The following AGAP1 variants were observed in gnomAD, a reference collection of about 807,000 sequenced individuals.
The protein encoded by AGAP1 is arf-GAP with GTPase, ANK repeat and PH domain-containing protein 1.
Under a neutral mutation model 105.3 loss-of-function variants are expected in AGAP1, and 29 were observed. That is an observed-to-expected ratio of 0.28 (90% CI 0.21 to 0.38). The LOEUF is 0.38. Ranked by LOEUF, AGAP1 falls within the 10% of genes least tolerant of loss-of-function variation. The probability of loss-of-function intolerance (pLI) is 1.00; values close to 1 mark genes in which losing one functional copy is unlikely to be tolerated. For synonymous variants in AGAP1, 509 were observed against 485.9 expected, an observed-to-expected ratio of 1.05 and a Z score of -0.63; for missense variants, 998 against 1,165.1, an observed-to-expected ratio of 0.86 and a Z score of 2.09.
At position 236,038,990 on chromosome 2, in the gene AGAP1, T is replaced by C. The variant is rs1019247608; in HGVS notation, c.1801-1761T>C. 1.3e-5 allele frequency among the ~76,000 whole-genome samples: 2 copies of C among 152,234 alleles called. No individual in the cohort carries two copies. Among genetic ancestry groups the C allele is most frequent in the African/African-American group, 2.4e-5 (1 of 41,452 alleles). On this transcript the variant is annotated intron_variant, in intron 14 of 17. Coordinates refer to ENST00000304032, the MANE Select transcript of AGAP1 (RefSeq NM_001037131.3). The surrounding 1 kb of genome is among the most constrained non-coding windows in gnomAD (Gnocchi z 4.5). ...GTGATTAATACATTATAATTTATTA[T>C]GTAGCAAGTAATATATTATTTCACA... is the stretch of plus-strand genomic sequence containing the variant.
At chr2:235,878,625 CAG>C (rs1310632241) in intron 9 of AGAP1, among the ~76,000 whole-genome samples, 1 of 152,190 alleles carries the variant, frequency 6.6e-6, no homozygotes, top group Non-Finnish European at 1.5e-5. Flanking sequence ...ATTTAGCAAA[CAG>C]AAACCGCTTC....
In AGAP1 at chr2:236,061,163, A is replaced by T. The variant is rs57504174; in HGVS notation, c.2114+11882A>T. Among the ~76,000 whole-genome samples the T allele has an allele frequency of 2.7e-3, 408 of 152,322 alleles. 6 individuals carry two copies. Among genetic ancestry groups the T allele is most frequent in the African/African-American group, 9.2e-3 (381 of 41,558 alleles). On this transcript the variant is annotated intron_variant, in intron 16 of 17. Coordinates refer to ENST00000304032, the MANE Select transcript of AGAP1 (RefSeq NM_001037131.3). The surrounding 1 kb of genome is among the most constrained non-coding windows in gnomAD (Gnocchi z 4.1). ...CAGTAAATACATGAAAAGATGCCTA[A>T]TGTCATTACTTTTTAGGGAAATGCA... is the stretch of plus-strand genomic sequence containing the variant.
Position 235,550,185 on chromosome 2 carries a change from T to C in AGAP1, c.163+55336T>C, listed in dbSNP as rs13423085. Among the ~76,000 whole-genome samples, 37,366 of 152,102 alleles carry C rather than the reference T, an allele frequency of 0.25. 5,139 individuals carry two copies. Among genetic ancestry groups the C allele is most frequent in the East Asian group, 0.45 (2,301 of 5,158 alleles). On this transcript the variant is annotated intron_variant, in intron 1 of 17. Coordinates refer to ENST00000304032, the MANE Select transcript of AGAP1 (RefSeq NM_001037131.3). This position sits in a 1 kb window ranked among gnomAD's most constrained non-coding sequence, Gnocchi z 4.6. ...ACACTCCCAGCACCCGTGGCAGTCT[T>C]AGCAGGTGGATTATCACCGAGCACA...
At chr2:235,567,206 G>A (rs1055936147) in intron 1 of AGAP1, among the ~76,000 whole-genome samples, 2 of 152,368 alleles carry the variant, frequency 1.3e-5, no homozygotes, top group Non-Finnish European at 2.9e-5. Flanking sequence ...CCTAGAGCTT[G>A]GATGTGCGGG....
intron 1 of AGAP1, among the ~76,000 whole-genome samples, chr2:235,545,494 A>G (rs1273711392): frequency 6.6e-6 from 1 of 152,186 alleles, no homozygotes; most frequent in African/African-American, 2.4e-5. Context: ...CTGCGGGGGA[A>G]GTAGTAGCAG....
At position 235,931,326 on chromosome 2, in the gene AGAP1, A is replaced by G. The variant is rs2052711347; in HGVS notation, c.1483+403A>G. Among the ~76,000 whole-genome samples, 2 of 152,110 alleles carry G rather than the reference A, an allele frequency of 1.3e-5. No individual in the cohort carries two copies. The highest frequency in any genetic ancestry group is 4.8e-5 in the African/African-American group (2 of 41,424). On this transcript the variant is annotated intron_variant, in intron 12 of 17. Coordinates refer to ENST00000304032, the MANE Select transcript of AGAP1 (RefSeq NM_001037131.3). This position sits in a 1 kb window ranked among gnomAD's most constrained non-coding sequence, Gnocchi z 5.6. ...CTCTTCCACCACTAGTGCACATTTT[A>G]TATCATTAGGGTGAATTCAGTCTCC...
In AGAP1 at chr2:236,105,015, G is replaced by A. The variant is rs995968725; in HGVS notation, c.2115-15177G>A. ...GACTGGATTTCACCAACTCCACTCTGGCAGGTTAGCATCAGGAGAGACACT... is the reference window on the plus strand; with the variant it reads ...GACTGGATTTCACCAACTCCACTCTAGCAGGTTAGCATCAGGAGAGACACT... On this transcript the variant is annotated intron_variant, in intron 16 of 17. Transcript: ENST00000304032. This position sits in a 1 kb window ranked among gnomAD's most constrained non-coding sequence, Gnocchi z 4.2. 6.6e-6 allele frequency among the ~76,000 whole-genome samples: 1 copy of A among 152,094 alleles called. No individual in the cohort carries two copies. The highest frequency in any genetic ancestry group is 1.5e-5 in the Non-Finnish European group (1 of 68,028).
intron 13 of AGAP1, among the ~76,000 whole-genome samples, chr2:235,997,432 C>G (rs1356883941): frequency 6.6e-6 from 1 of 152,216 alleles, no homozygotes; most frequent in Non-Finnish European, 1.5e-5. Context: ...AGACGTCATT[C>G]TAAATTGCAT....
chr2:236,119,449 G>C lies in AGAP1; in HGVS notation c.2115-743G>C, dbSNP rs974402598. 1.3e-5 allele frequency among the ~76,000 whole-genome samples: 2 copies of C among 152,136 alleles called. No homozygotes were observed. Among genetic ancestry groups the C allele is most frequent in the African/African-American group, 4.8e-5 (2 of 41,436 alleles). ...CCACCCTCTCCTGCGTGAGTCTGTTGCCATGTTTTCCTCAGCTGAAAGGGT... is the reference window on the plus strand; with the variant it reads ...CCACCCTCTCCTGCGTGAGTCTGTTCCCATGTTTTCCTCAGCTGAAAGGGT... On this transcript the variant is annotated intron_variant, in intron 16 of 17. Transcript: ENST00000304032. The surrounding 1 kb of genome is among the most constrained non-coding windows in gnomAD (Gnocchi z 6.6).
intron 1 of AGAP1, chr2:235,670,610 G>T: frequency 1.7e-6 from 1 of 576,696 alleles, no homozygotes; most frequent in South Asian, 2.0e-5. Context: ...GACACTGGGC[G>T]GCGGAAGGCG....
intron 1 of AGAP1, among the ~76,000 whole-genome samples, chr2:235,672,381 T>G (rs1037672262): frequency 6.6e-6 from 1 of 152,248 alleles, no homozygotes; most frequent in Non-Finnish European, 1.5e-5. Flanking sequence ...GCGGTAATGT[T>G]AAAATCTGAC....
At position 236,045,794 on chromosome 2, in the gene AGAP1, A is replaced by G. The variant is rs528378580; in HGVS notation, c.1892-3265A>G. ...TTGCAGTGGTGATGCTTAGATACCA[A>G]CCCTTGCCGATGAGTCATTCTCTGC... On this transcript the variant is annotated intron_variant, in intron 15 of 17. Transcript: ENST00000304032. The surrounding 1 kb of genome is among the most constrained non-coding windows in gnomAD (Gnocchi z 6.9). The G allele has an allele frequency of 1.8e-5, 7 of 385,140 alleles. No homozygotes were observed. Among genetic ancestry groups the G allele is most frequent in the African/African-American group, 1.5e-4 (7 of 47,816 alleles). 23.9% of individuals were successfully genotyped at this position (385,140 alleles called of 1,614,324 possible). A position where few individuals can be genotyped will look rare whatever the true frequency, so the allele number is the denominator to read the frequency against.
rs570214779 is a variant in AGAP1, at chr2:235,698,809, T to G, written c.164-10370T>G. Among the ~76,000 whole-genome samples, 291 of 152,358 alleles carry G rather than the reference T, an allele frequency of 1.9e-3. 3 individuals carry two copies. Among genetic ancestry groups the G allele is most frequent in the African/African-American group, 6.6e-3 (276 of 41,582 alleles). On this transcript the variant is annotated intron_variant, in intron 1 of 17. Coordinates refer to ENST00000304032, the MANE Select transcript of AGAP1 (RefSeq NM_001037131.3). The stretch of plus-strand genomic sequence containing the variant: ...TAGCAGCTTGATGGTTGCATAATTA[T>G]TCATCATACCTATCACAATTTTTAA...
In AGAP1 at chr2:236,042,185, A is replaced by G. The variant is rs2057569312; in HGVS notation, c.1891+1344A>G. Among the ~76,000 whole-genome samples the G allele has an allele frequency of 6.6e-6, 1 of 152,156 alleles. No individual in the cohort carries two copies. On this transcript the variant is annotated intron_variant, in intron 15 of 17. Transcript: ENST00000304032. The surrounding 1 kb of genome is among the most constrained non-coding windows in gnomAD (Gnocchi z 5.6). ...TTTGAACATACTGGAATAGAGGCAA[A>G]GCAGGGAGGAGGCCAGCCAGGGTCG...
rs1553650285 is a variant in AGAP1, at chr2:235,852,770, C to CCAAG, written c.1051-30573_1051-30572insAGCA. 5.9e-6 allele frequency: 9 copies of CCAAG among 1,537,738 alleles called. No individual in the cohort carries two copies. In the South Asian group the frequency reaches 1.1e-4, roughly 19 times the overall value. On this transcript the variant is annotated intron_variant, in intron 9 of 17. Coordinates refer to ENST00000304032, the MANE Select transcript of AGAP1 (RefSeq NM_001037131.3). ...CCGTGCCCGTCAGTCCTCCCCCTGG[C>CCAAG]CAGGGCCGAGGGGTGGTCAGACCAG... is the stretch of plus-strand genomic sequence containing the variant.
Position 235,875,008 on chromosome 2 carries a change from A to G in AGAP1, c.1051-8337A>G, listed in dbSNP as rs1288541405. Among the ~76,000 whole-genome samples, 1 of 152,206 alleles carries G rather than the reference A, an allele frequency of 6.6e-6. No homozygotes were observed. The highest frequency in any genetic ancestry group is 1.5e-5 in the Non-Finnish European group (1 of 68,036). On this transcript the variant is annotated intron_variant, in intron 9 of 17. Transcript: ENST00000304032. This position sits in a 1 kb window ranked among gnomAD's most constrained non-coding sequence, Gnocchi z 4.0. ...CTCTCCCAAACGTGGGCAAAAAAAG[A>G]AACTAGAACTGGTTGAAGACTGAGT...
rs1196055667 is a variant in AGAP1 at position 236,083,305 on chromosome 2, C to T, written c.2114+34024C>T. ...TAATGCAGATGTCATGTGATGAGCT[C>T]GGTTTGTTGCAAGGAAGCGTCGTCC... On this transcript the variant is annotated intron_variant, in intron 16 of 17. Coordinates refer to ENST00000304032, the MANE Select transcript of AGAP1 (RefSeq NM_001037131.3). The surrounding 1 kb of genome is among the most constrained non-coding windows in gnomAD (Gnocchi z 5.3). 1.3e-5 allele frequency among the ~76,000 whole-genome samples: 2 copies of T among 152,112 alleles called. No individual in the cohort carries two copies. Among genetic ancestry groups the T allele is most frequent in the South Asian group, 2.1e-4 (1 of 4,822 alleles).
chr2:235,531,320 C>T (rs1943037753), intron 1 of AGAP1, among the ~76,000 whole-genome samples: 1 of 152,160 alleles, frequency 6.6e-6, no homozygotes, highest in African/African-American at 2.4e-5. Context: ...CATCTCACTC[C>T]TTCCTATGGC....
chr2:235,917,135 C>T (rs1437776586), intron 11 of AGAP1, among the ~76,000 whole-genome samples: 1 of 152,140 alleles, frequency 6.6e-6, no homozygotes, highest in Non-Finnish European at 1.5e-5. Flanking sequence ...AGACCTTTGT[C>T]AAAGGAATCC....
Sources: gnomAD v4.1 joint callset for allele counts (sites outside exome capture counted in the v4.1 genomes callset) on GRCh38, gnomAD v4.1.1 for gene constraint, Gnocchi (gnomAD v3.1) non-coding constraint, MANE v1.5 for transcripts, NCBI Gene and HGNC (gene_info 2026-07-23, HGNC 2026-07-21) for gene names.